CACNA1B: variants seen among roughly 807,000 people sequenced by gnomAD.
CACNA1B encodes the protein calcium voltage-gated channel subunit alpha1 B.
A neutral mutation model predicts 247.2 loss-of-function variants in CACNA1B; 70 were observed. The ratio of observed to expected loss-of-function variants is 0.28; its 90% CI spans 0.23 to 0.35. The LOEUF is 0.35. Ranked by LOEUF, CACNA1B falls within the 10% of genes least tolerant of loss-of-function variation. The pLI is 1.00. For synonymous variants in CACNA1B, 1,231 were observed against 1,294.4 expected (o/e 0.95, Z 1.05); for missense variants, 2,367 against 3,197.4 (o/e 0.74, Z 6.26).
In CACNA1B at chr9:137,986,053, T is replaced by G. The variant is rs991079433; in HGVS notation, c.1770-360T>G. 3.9e-5 allele frequency among the ~76,000 whole-genome samples: 6 copies of G among 152,122 alleles called. No homozygotes were observed. The highest frequency in any genetic ancestry group is 7.2e-5 in the African/African-American group (3 of 41,400). ...TTCACATGGCACTGGTCTGAGACAC[T>G]TGGTGGCTGACTGGGTGTTGAGGAG... On this transcript the variant is annotated intron_variant, in intron 13 of 46. Transcript: ENST00000371372. This position sits in a 1 kb window ranked among gnomAD's most constrained non-coding sequence, Gnocchi z 6.0.
rs1291854300 is a variant in CACNA1B, at chr9:138,057,970, C to A, written c.4107-79C>A. 1.0e-5 allele frequency: 16 copies of A among 1,561,542 alleles called. No individual in the cohort carries two copies. Among genetic ancestry groups the A allele is most frequent in the Admixed American group, 6.8e-5 (4 of 58,740 alleles). On this transcript the variant is annotated intron_variant, in intron 27 of 46. Coordinates refer to ENST00000371372, the MANE Select transcript of CACNA1B (RefSeq NM_000718.4). This position sits in a 1 kb window ranked among gnomAD's most constrained non-coding sequence, Gnocchi z 4.0. ...GGGCTCAGGCATGGAAGCAGACCCA[C>A]CCTTGTGGTGCAGGTCTTGAGTTCT... is the stretch of plus-strand genomic sequence containing the variant.
At chr9:138,088,780 C>G (rs561939593) in intron 36 of CACNA1B, among the ~76,000 whole-genome samples, 2 of 151,506 alleles carry the variant, frequency 1.3e-5, no homozygotes, top group East Asian at 3.9e-4. Flanking sequence ...TAGTGAAACC[C>G]CGTCTCTACT....
At chr9:138,061,599 C>T (rs973625043) in intron 31 of CACNA1B, among the ~76,000 whole-genome samples, 2 of 152,142 alleles carry the variant, frequency 1.3e-5, no homozygotes, top group African/African-American at 2.4e-5. Context: ...CAGTGGACCC[C>T]GCGGTCACCT....
chr9:138,120,033 C>T (rs1962024259), intron 44 of CACNA1B, 132 bp from the exon 45 acceptor site: 7 of 769,600 alleles, frequency 9.1e-6, no homozygotes, highest in South Asian at 1.8e-5. Context: ...GGCCTGGGTC[C>T]TTCTGACTGT....
intron 44 of CACNA1B, 28 bp from the exon 45 acceptor site, chr9:138,120,136 TA>T: frequency 6.4e-7 from 1 of 1,562,050 alleles, no homozygotes; most frequent in Non-Finnish European, 8.7e-7. Flanking sequence ...GTGCCTCCCC[TA>T]GGCCCACTCT....
chr9:137,963,290 G>T (rs1223187540), intron 10 of CACNA1B, among the ~76,000 whole-genome samples: 1 of 151,964 alleles, frequency 6.6e-6, no homozygotes, highest in Non-Finnish European at 1.5e-5. Flanking sequence ...ATGTGATGTG[G>T]GTCTTTTGAA....
chr9:137,925,406 T>C (rs1230668893), intron 6 of CACNA1B, among the ~76,000 whole-genome samples: 1 of 152,138 alleles, frequency 6.6e-6, no homozygotes, highest in Non-Finnish European at 1.5e-5. Context: ...TGCCTCTAAG[T>C]TCTTATCTCT....
chr9:137,938,236 G>T (rs1564197888), intron 6 of CACNA1B, among the ~76,000 whole-genome samples: 1 of 152,172 alleles, frequency 6.6e-6, no homozygotes, highest in East Asian at 1.9e-4. Flanking sequence ...TACCAAGCAA[G>T]CACTACAAGA....
At chr9:137,906,178 A>G (rs1036171167) in intron 3 of CACNA1B, among the ~76,000 whole-genome samples, 1 of 152,194 alleles carries the variant, frequency 6.6e-6, no homozygotes, top group African/African-American at 2.4e-5. Flanking sequence ...GTCAAAAAAG[A>G]AGAGATGTTT....
rs73668499 is a variant in CACNA1B at position 137,902,886 on chromosome 9, C to A, written c.531-10294C>A. ...TCTCAGCATCTGATGTCCCGGCAAC[C>A]CCCACTGCCGAGTGTCCTCTGAGGA... On this transcript the variant is annotated intron_variant, in intron 3 of 46. Coordinates refer to ENST00000371372, the MANE Select transcript of CACNA1B (RefSeq NM_000718.4). Among the ~76,000 whole-genome samples the A allele has an allele frequency of 8.6e-3, 1,307 of 152,322 alleles. 23 individuals carry two copies. The highest frequency in any genetic ancestry group is 0.03 in the African/African-American group (1,231 of 41,570).
intron 36 of CACNA1B, among the ~76,000 whole-genome samples, chr9:138,088,237 C>T (rs560526851): frequency 1.1e-4 from 16 of 151,844 alleles, no homozygotes; most frequent in African/African-American, 3.4e-4. Context: ...GTTATGTTGG[C>T]GGGCACCTGT....
At chr9:137,921,357 G>A (rs1211483207) in intron 6 of CACNA1B, among the ~76,000 whole-genome samples, 6 of 121,762 alleles carry the variant, frequency 4.9e-5, no homozygotes, top group Non-Finnish European at 7.0e-5. Context: ...GGAGAACATG[G>A]TCAGCACCAC....
At position 137,960,747 on chromosome 9, in the gene CACNA1B, G is replaced by A. The variant is rs149761714; in HGVS notation, c.1333+3060G>A. On this transcript the variant is annotated intron_variant, in intron 10 of 46. Coordinates refer to ENST00000371372, the MANE Select transcript of CACNA1B (RefSeq NM_000718.4). ...GAGTCAGACAGGCTCACTTCCAACC[G>A]GGACCCCAGGCCGCCCTGGTGGTTT... 1.6e-4 allele frequency among the ~76,000 whole-genome samples: 25 copies of A among 152,106 alleles called. No individual in the cohort carries two copies. In the East Asian group the frequency reaches 4.7e-3, roughly 28 times the overall value.
intron 10 of CACNA1B, among the ~76,000 whole-genome samples, chr9:137,962,532 A>G (rs1484223117): frequency 6.6e-6 from 1 of 151,954 alleles, no homozygotes; most frequent in Non-Finnish European, 1.5e-5. Context: ...AGTGCTATAA[A>G]TTTCCCTCTT....
At chr9:138,108,031 A>G (rs1961494887) in intron 39 of CACNA1B, among the ~76,000 whole-genome samples, 2 of 147,384 alleles carry the variant, frequency 1.4e-5, no homozygotes, top group South Asian at 4.3e-4. Flanking sequence ...CAGAGGACAA[A>G]AAAAAAAAAA....
chr9:138,075,865 A>G lies in CACNA1B; in HGVS notation c.4904A>G (p.His1635Arg). 6.2e-7 allele frequency: 1 copy of G among 1,612,920 alleles called. No individual in the cohort carries two copies. Among genetic ancestry groups the G allele is most frequent in the Non-Finnish European group, 8.5e-7 (1 of 1,179,372 alleles). The stretch of plus-strand genomic sequence containing the variant: ...GATGATGACACCAGCATCAACCGCC[A>G]CAACAACTTCCGGACGTTTTTGCAA... The part of the protein sequence containing the change: ...ALDDDTSINR[H>R]NNFRTFLQAL... Residue 1635 changes from histidine (H) to arginine (R), a missense_variant, in exon 35 of 47, where the codon CAC becomes CGC. By Grantham distance (29) the His-to-Arg change is conservative. Coordinates refer to ENST00000371372, the MANE Select transcript of CACNA1B (RefSeq NM_000718.4).
chr9:137,928,132 T>C (rs1439835184), intron 6 of CACNA1B, among the ~76,000 whole-genome samples: 1 of 152,190 alleles, frequency 6.6e-6, no homozygotes, highest in African/African-American at 2.4e-5. Context: ...GGAGTCTTGC[T>C]GTGTCACCAG....
chr9:138,052,805 G>A lies in CACNA1B; in HGVS notation c.3807+617G>A, dbSNP rs113537281. ...GGGCTGGCAGGCAGCTGGGGAAGGC[G>A]TCGGAGGCCCACTGGGTCCAGGGAG... On this transcript the variant is annotated intron_variant, in intron 25 of 46. Coordinates refer to ENST00000371372, the MANE Select transcript of CACNA1B (RefSeq NM_000718.4). The surrounding 1 kb of genome is among the most constrained non-coding windows in gnomAD (Gnocchi z 5.1). 0.026 allele frequency among the ~76,000 whole-genome samples: 3,922 copies of A among 152,302 alleles called. 85 individuals are homozygous for A. Among genetic ancestry groups the A allele is most frequent in the Middle Eastern group, 0.065 (19 of 294 alleles).
In CACNA1B at chr9:138,011,002, G is replaced by A. The variant is rs953128661; in HGVS notation, c.2160+925G>A. 2.6e-5 allele frequency among the ~76,000 whole-genome samples: 4 copies of A among 152,182 alleles called. No individual in the cohort carries two copies. Among genetic ancestry groups the A allele is most frequent in the Non-Finnish European group, 5.9e-5 (4 of 68,026 alleles). On this transcript the variant is annotated intron_variant, in intron 17 of 46. Coordinates refer to ENST00000371372, the MANE Select transcript of CACNA1B (RefSeq NM_000718.4). This position sits in a 1 kb window ranked among gnomAD's most constrained non-coding sequence, Gnocchi z 4.2. Reference sequence around the variant, plus strand: ...TCCAGGAGGGGGGTGTGGTCCATGCGGTGTGCCAGCTGCAGCCTGAGCCTC... The same window carrying A: ...TCCAGGAGGGGGGTGTGGTCCATGCAGTGTGCCAGCTGCAGCCTGAGCCTC...
Sources: gnomAD v4.1 joint callset for allele counts (sites outside exome capture counted in the v4.1 genomes callset) on GRCh38, gnomAD v4.1.1 for gene constraint, Gnocchi (gnomAD v3.1) non-coding constraint, MANE v1.5 for transcripts, NCBI Gene and HGNC (gene_info 2026-07-23, HGNC 2026-07-21) for gene names.